DIAPH2: variants seen among roughly 807,000 people sequenced by gnomAD.
The protein encoded by DIAPH2 is protein diaphanous homolog 2.
DIAPH2 carries 35 observed loss-of-function variants against 92.7 expected under a neutral mutation model. That is an observed-to-expected ratio of 0.38 (90% CI 0.29 to 0.50). DIAPH2 has a LOEUF of 0.50. Ranked by LOEUF, DIAPH2 falls within the 20% of genes least tolerant of loss-of-function variation. DIAPH2 has a pLI of 0.94. For missense variants in DIAPH2, 701 were observed against 819.5 expected (o/e 0.86, Z 1.77); for synonymous variants, 301 against 280.4 (o/e 1.07, Z -0.73).
chrX:97,157,546 G>A (rs1012922084), intron 22 of DIAPH2, among the ~76,000 whole-genome samples: 2 of 109,104 alleles, frequency 1.8e-5, no homozygotes, highest in East Asian at 5.8e-4. Context: ...ATATATAAGC[G>A]TTGTACCTAC....
intron 22 of DIAPH2, among the ~76,000 whole-genome samples, chrX:97,143,410 A>G (rs1221470916): frequency 9.0e-6 from 1 of 110,523 alleles, no homozygotes; most frequent in African/African-American, 3.3e-5. Context: ...CAACATGTAT[A>G]ATCAATTTTT....
intron 23 of DIAPH2, among the ~76,000 whole-genome samples, chrX:97,312,507 G>A (rs957570557): frequency 1.8e-5 from 2 of 108,286 alleles, no homozygotes; most frequent in Non-Finnish European, 3.8e-5. Context: ...CTGCCACCAC[G>A]CCCGGCTAAT....
At chrX:97,409,667 G>A (rs1003429340) in intron 25 of DIAPH2, among the ~76,000 whole-genome samples, 2 of 111,988 alleles carry the variant, frequency 1.8e-5, no homozygotes, top group Admixed American at 1.9e-4. Flanking sequence ...CACTCCCACC[G>A]AAATACTGAG....
chrX:97,100,153 T>G (rs942890942), intron 20 of DIAPH2, among the ~76,000 whole-genome samples: 7 of 110,602 alleles, frequency 6.3e-5, no homozygotes, highest in African/African-American at 2.3e-4. Flanking sequence ...CTCCAAAAAG[T>G]AGGTTAAAAT....
At chrX:97,558,035 A>G (rs1050688037) in intron 26 of DIAPH2, among the ~76,000 whole-genome samples, 1 of 112,444 alleles carries the variant, frequency 8.9e-6, no homozygotes, top group Non-Finnish European at 1.9e-5. Flanking sequence ...ACTATCATGA[A>G]TTCTGAATTA....
At chrX:96,982,075 A>G (rs1212366603) in intron 17 of DIAPH2, among the ~76,000 whole-genome samples, 1 of 112,021 alleles carries the variant, frequency 8.9e-6, no homozygotes, top group African/African-American at 3.2e-5. Context: ...ATGTCTCTCA[A>G]TATAACACCA....
At chrX:97,002,084 C>T (rs1359447808) in intron 17 of DIAPH2, among the ~76,000 whole-genome samples, 1 of 110,871 alleles carries the variant, frequency 9.0e-6, no homozygotes, top group African/African-American at 3.3e-5. Context: ...ATATTAGTCT[C>T]AGTGGCTGAG....
At chrX:97,293,982 A>AT (rs1319748311) in intron 23 of DIAPH2, among the ~76,000 whole-genome samples, 2 of 112,454 alleles carry the variant, frequency 1.8e-5, no homozygotes, top group Admixed American at 9.5e-5. Context: ...CATGTGGAAT[A>AT]TAAGCTTCTA....
intron 26 of DIAPH2, among the ~76,000 whole-genome samples, chrX:97,456,917 C>T (rs771010317): frequency 8.9e-6 from 1 of 111,970 alleles, no homozygotes; most frequent in South Asian, 3.7e-4. Flanking sequence ...TAACCAAATA[C>T]TATTATCATA....
chrX:97,048,349 C>T (rs1001906679), intron 17 of DIAPH2, among the ~76,000 whole-genome samples: 1 of 111,049 alleles, frequency 9.0e-6, no homozygotes, highest in Admixed American at 9.6e-5. Flanking sequence ...ATATAAATCT[C>T]CTTTTTAGAA....
intron 24 of DIAPH2, among the ~76,000 whole-genome samples, chrX:97,361,463 G>A (rs781011710): frequency 7.6e-4 from 85 of 111,685 alleles, no homozygotes; most frequent in Non-Finnish European, 1.0e-3. Context: ...GCTTTTGAAC[G>A]CACTAGCATA....
At chrX:97,166,933 T>C (rs1204945996) in intron 22 of DIAPH2, among the ~76,000 whole-genome samples, 2 of 112,489 alleles carry the variant, frequency 1.8e-5, no homozygotes, top group East Asian at 2.8e-4. Flanking sequence ...TTTGAATCTT[T>C]ACATAAACAG....
intron 24 of DIAPH2, among the ~76,000 whole-genome samples, chrX:97,350,265 G>A (rs992362720): frequency 9.0e-6 from 1 of 110,691 alleles, no homozygotes; most frequent in Admixed American, 9.7e-5. Flanking sequence ...AGCCGCTGGA[G>A]ACAGTGAGAC....
At chrX:97,324,222 CCTTA>C (rs1219278244) in intron 23 of DIAPH2, among the ~76,000 whole-genome samples, 3 of 111,880 alleles carry the variant, frequency 2.7e-5, no homozygotes, top group Non-Finnish European at 5.6e-5. Flanking sequence ...GAGAGGAGTG[CCTTA>C]CTTACTCCTA....
At chrX:97,159,376 C>G (rs1005888638) in intron 22 of DIAPH2, among the ~76,000 whole-genome samples, 2 of 112,094 alleles carry the variant, frequency 1.8e-5, no homozygotes, top group Non-Finnish European at 3.8e-5. Flanking sequence ...TAGAAACTGT[C>G]TGAGGAATGT....
At position 96,873,049 on chromosome X, in the gene DIAPH2, T is replaced by C. The variant is rs1367050299; in HGVS notation, c.448-8530T>C. Among the ~76,000 whole-genome samples the C allele has an allele frequency of 2.7e-5, 3 of 111,996 alleles. No homozygotes were observed. The East Asian group carries it at 8.4e-4, about 32-fold the overall frequency. ...AGTTTACATTCCCACCAACAGTTTA[T>C]GAGGGTTCCCTTTTCTCCACATCCT... On this transcript the variant is annotated intron_variant, in intron 4 of 26. Transcript: ENST00000324765.
chrX:97,364,759 G>GTTTTTTTTTGTTTTTTTTTTTTTTT (rs1279508605), intron 24 of DIAPH2, among the ~76,000 whole-genome samples: 1 of 56,591 alleles, frequency 1.8e-5, no homozygotes, highest in African/African-American at 5.8e-5. Context: ...GTCTCCTGGT[G>GTTTTTTTTTGTTTTTTTTTTTTTTT]TTTTTTTTTT....
intron 4 of DIAPH2, among the ~76,000 whole-genome samples, chrX:96,830,734 A>G (rs1163197854): frequency 9.0e-6 from 1 of 110,726 alleles, no homozygotes; most frequent in Non-Finnish European, 1.9e-5. Context: ...TGGAGATGAA[A>G]TCAGCAATGA....
chrX:97,530,934 C>T (rs1486383768), intron 26 of DIAPH2, among the ~76,000 whole-genome samples: 1 of 111,016 alleles, frequency 9.0e-6, no homozygotes, highest in Non-Finnish European at 1.9e-5. Context: ...AGCACAGGTA[C>T]TAAGAAGTCC....
Sources: gnomAD v4.1 joint callset for allele counts (sites outside exome capture counted in the v4.1 genomes callset) on GRCh38, gnomAD v4.1.1 for gene constraint, MANE v1.5 for transcripts, NCBI Gene and HGNC (gene_info 2026-07-23, HGNC 2026-07-21) for gene names.